RAB3GAP2: variants seen among roughly 807,000 people sequenced by gnomAD.
RAB3GAP2 encodes the protein RAB3 GTPase activating non-catalytic protein subunit 2.
A neutral mutation model predicts 185.3 loss-of-function variants in RAB3GAP2; 87 were observed. The ratio of observed to expected loss-of-function variants is 0.47; its 90% CI spans 0.39 to 0.56. RAB3GAP2 has a LOEUF of 0.56. RAB3GAP2 is among the 20% of genes least tolerant of loss of function. RAB3GAP2 has a pLI of 0.00. For missense variants in RAB3GAP2, 1,492 were observed against 1,638.2 expected (o/e 0.91, Z 1.54); for synonymous variants, 554 against 576.1 (o/e 0.96, Z 0.55).
At chr1:220,181,586 C>A (rs557421121) in intron 21 of RAB3GAP2, among the ~76,000 whole-genome samples, 23 of 152,124 alleles carry the variant, frequency 1.5e-4, no homozygotes, top group African/African-American at 5.5e-4. Flanking sequence ...TGTTTGGTAA[C>A]AATTCCACAT....
At chr1:220,202,738 T>A (rs925322644) in intron 8 of RAB3GAP2, among the ~76,000 whole-genome samples, 24 of 152,058 alleles carry the variant, frequency 1.6e-4, no homozygotes, top group Non-Finnish European at 2.2e-4. Flanking sequence ...AGGTCAGGAG[T>A]TTGAGATCAG....
At chr1:220,168,218 G>A (rs750594062) in intron 24 of RAB3GAP2, among the ~76,000 whole-genome samples, 9 of 151,504 alleles carry the variant, frequency 5.9e-5, no homozygotes, top group African/African-American at 1.2e-4. Flanking sequence ...TCAGCCTCCC[G>A]AGCAACTGAG....
chr1:220,184,504 A>G (rs116518462), intron 18 of RAB3GAP2, among the ~76,000 whole-genome samples: 4,249 of 152,230 alleles, frequency 0.028, 75 homozygotes, highest in East Asian at 0.038. Context: ...ATGAATATTT[A>G]TATCTAATAT....
intron 17 of RAB3GAP2, among the ~76,000 whole-genome samples, chr1:220,187,315 G>T (rs774443995): frequency 1.3e-5 from 2 of 152,124 alleles, no homozygotes; most frequent in Admixed American, 1.3e-4. Context: ...GTAGACAGAG[G>T]TGCTAGGAGA....
intron 2 of RAB3GAP2, among the ~76,000 whole-genome samples, chr1:220,216,614 A>T (rs185732096): frequency 3.0e-4 from 45 of 152,304 alleles, no homozygotes; most frequent in Admixed American, 2.9e-3. Context: ...CTTATATAGG[A>T]ATATTATTTA....
At chr1:220,208,483 C>T (rs771292865) in intron 7 of RAB3GAP2, among the ~76,000 whole-genome samples, 7 of 152,326 alleles carry the variant, frequency 4.6e-5, no homozygotes, top group African/African-American at 7.2e-5. Context: ...TGTGCCTATA[C>T]AACAGTTTTG....
At chr1:220,191,379 T>C (rs1253143866) in intron 13 of RAB3GAP2, 95 bp from the exon 14 acceptor site, 4 of 144,318 alleles carry the variant, frequency 2.8e-5, no homozygotes, top group Non-Finnish European at 5.4e-5. Flanking sequence ...GGGGTGGGGG[T>C]GGGGTAAGAA....
chr1:220,264,322 TAAAC>T (rs1660192222), intron 1 of RAB3GAP2, among the ~76,000 whole-genome samples: 1 of 152,046 alleles, frequency 6.6e-6, no homozygotes, highest in Non-Finnish European at 1.5e-5. Context: ...TCTTGATAAT[TAAAC>T]AAAAAGTAAA....
At chr1:220,208,917 G>A (rs1307898524) in intron 7 of RAB3GAP2, among the ~76,000 whole-genome samples, 2 of 152,050 alleles carry the variant, frequency 1.3e-5, no homozygotes, top group African/African-American at 2.4e-5. Flanking sequence ...GGGTTTCACC[G>A]TGTTACCCAG....
Position 220,184,085 on chromosome 1 carries a change from C to G in RAB3GAP2, c.1949G>C (p.Ser650Thr). Residue 650 changes from serine (S) to threonine (T), a missense_variant, in exon 19 of 35, where the codon AGT (serine) becomes ACT (threonine). Ser to Thr is a moderately conservative substitution (Grantham distance 58). This residue lies in a region of RAB3GAP2 where 681 missense variants were observed against 689.1 expected (regional missense o/e 0.99). Coordinates refer to ENST00000358951, the MANE Select transcript of RAB3GAP2 (RefSeq NM_012414.4). ...ATGAAAATCAAGGGAATTTAATTGACTGACAGACTCATAGAGTTGCAGCAG... is the reference window on the plus strand; with the variant it reads ...ATGAAAATCAAGGGAATTTAATTGAGTGACAGACTCATAGAGTTGCAGCAG... The part of the protein sequence containing the change: ...LKLLQLYESV[S>T]QLNSLDFHLD... The G allele has an allele frequency of 6.2e-7, 1 of 1,601,296 alleles. No individual in the cohort carries two copies. Among genetic ancestry groups the G allele is most frequent in the Non-Finnish European group, 8.6e-7 (1 of 1,168,814 alleles).
intron 33 of RAB3GAP2, 105 bp from the exon 34 acceptor site, chr1:220,151,869 G>T: frequency 8.2e-7 from 1 of 1,218,042 alleles, no homozygotes; most frequent in Non-Finnish European, 1.2e-6. Flanking sequence ...TTTTTGAACT[G>T]TGGCCATTTA....
Position 220,150,007 on chromosome 1 carries a change from C to T in RAB3GAP2, c.*1244G>A, listed in dbSNP as rs1657717092. The T allele has an allele frequency of 6.6e-6, 1 of 152,042 alleles. No homozygotes were observed. The highest frequency in any genetic ancestry group is 2.4e-5 in the African/African-American group (1 of 41,404). 9.4% of individuals were successfully genotyped at this position (152,042 alleles called of 1,614,324 possible). ...GATCCATGACAGATACCCATAATTACACTGTATGGCTACATTCTAAAAATA... is the reference window on the plus strand; with the variant it reads ...GATCCATGACAGATACCCATAATTATACTGTATGGCTACATTCTAAAAATA... On this transcript the variant is annotated 3_prime_UTR_variant, in exon 35 of 35. Transcript: ENST00000358951.
intron 1 of RAB3GAP2, among the ~76,000 whole-genome samples, chr1:220,234,993 G>T (rs1659565406): frequency 1.3e-5 from 2 of 152,124 alleles, no homozygotes; most frequent in African/African-American, 2.4e-5. Flanking sequence ...TGAGAAAACA[G>T]ATTTCTTGGA....
intron 19 of RAB3GAP2, 140 bp from the exon 20 acceptor site, chr1:220,183,071 A>G: frequency 1.5e-6 from 1 of 684,384 alleles, no homozygotes; most frequent in East Asian, 2.7e-5. Flanking sequence ...AACTTTACTT[A>G]CAAATCACGT....
intron 1 of RAB3GAP2, among the ~76,000 whole-genome samples, chr1:220,252,152 GAA>G (rs58516168): frequency 1.2e-3 from 111 of 96,022 alleles, no homozygotes; most frequent in South Asian, 8.2e-3. Flanking sequence ...CTCAAAAAAA[GAA>G]AAAAAAAAAA....
chr1:220,157,393 G>C lies in RAB3GAP2; in HGVS notation c.3432C>G (p.Ala1144=). The change falls in exon 31 of 35, where the codon GCC becomes GCG. Residue 1144 remains alanine (A), a synonymous_variant. Coordinates refer to ENST00000358951, the MANE Select transcript of RAB3GAP2 (RefSeq NM_012414.4). The part of the protein sequence containing the change: ...VEGPISIVEL[A]LEQKHIHYPL... ...GGTAGTGGATGTGCTTCTGTTCAAG[G>C]GCCAGTTCCACTATGGAGATTGGTC... 7 of 1,613,742 alleles carry C rather than the reference G, an allele frequency of 4.3e-6. No homozygotes were observed. Among genetic ancestry groups the C allele is most frequent in the Non-Finnish European group, 5.9e-6 (7 of 1,179,984 alleles).
chr1:220,199,996 G>A (rs1658812123), intron 9 of RAB3GAP2, among the ~76,000 whole-genome samples: 1 of 152,142 alleles, frequency 6.6e-6, no homozygotes, highest in East Asian at 1.9e-4. Context: ...GAATCCATCA[G>A]TGACATCCAC....
chr1:220,196,501 T>C (rs1213405495), intron 9 of RAB3GAP2, 103 bp from the exon 10 acceptor site: 1 of 1,168,236 alleles, frequency 8.6e-7, no homozygotes, highest in East Asian at 2.4e-5. Context: ...TTTTATTTAA[T>C]AACCAAAAGT....
intron 7 of RAB3GAP2, among the ~76,000 whole-genome samples, chr1:220,209,330 T>C (rs1659035133): frequency 6.6e-6 from 1 of 152,324 alleles, no homozygotes; most frequent in East Asian, 1.9e-4. Flanking sequence ...AGTTTCTTTG[T>C]TGTTGCATAT....
Sources: gnomAD v4.1 joint callset for allele counts (sites outside exome capture counted in the v4.1 genomes callset) on GRCh38, gnomAD v4.1.1 for gene constraint, gnomAD v4.1.1 regional missense constraint, MANE v1.5 for transcripts, NCBI Gene and HGNC (gene_info 2026-07-23, HGNC 2026-07-21) for gene names.